The following INPP5D variants were observed in gnomAD, a reference collection of about 807,000 sequenced individuals.
INPP5D encodes phosphatidylinositol 3,4,5-trisphosphate 5-phosphatase 1.
INPP5D carries 33 observed loss-of-function variants against 122.9 expected under a neutral mutation model. The observed-to-expected ratio is 0.27, with a 90% confidence interval of 0.20 to 0.36. The LOEUF (loss-of-function observed/expected upper bound fraction) is 0.36. Ranked by LOEUF, INPP5D falls within the 10% of genes least tolerant of loss-of-function variation. The pLI, the probability that INPP5D is intolerant of heterozygous loss-of-function variation, is 1.00. For synonymous variants in INPP5D, 584 were observed against 576.2 expected, an observed-to-expected ratio of 1.01 and a Z score of -0.19; for missense variants, 1,053 against 1,412.7, an observed-to-expected ratio of 0.75 and a Z score of 4.08.
chr2:233,095,385 C>T (rs1012248801), intron 2 of INPP5D, among the ~76,000 whole-genome samples: 2 of 152,052 alleles, frequency 1.3e-5, no homozygotes, highest in South Asian at 2.1e-4. Flanking sequence ...TTTGGGAGAC[C>T]GAGGCGGGTG....
At chr2:233,125,480 C>A (rs1160093237) in intron 3 of INPP5D, among the ~76,000 whole-genome samples, 1 of 152,228 alleles carries the variant, frequency 6.6e-6, no homozygotes, top group East Asian at 1.9e-4. Context: ...AGGTCAGCAG[C>A]CCTGCAGGCC....
intron 22 of INPP5D, among the ~76,000 whole-genome samples, chr2:233,191,903 T>C (rs1035391727): frequency 6.6e-6 from 1 of 152,166 alleles, no homozygotes. Flanking sequence ...CCACGCATAG[T>C]CTCCCATTGT....
rs1694396405 is a variant in INPP5D, at chr2:233,168,074, A to G, written c.1556-1231A>G. 1.3e-5 allele frequency among the ~76,000 whole-genome samples: 2 copies of G among 151,904 alleles called. 1 individual carries two copies. The highest frequency in any genetic ancestry group is 4.2e-4 in the South Asian group (2 of 4,810). On this transcript the variant is annotated intron_variant, in intron 13 of 26. Transcript: ENST00000445964. ...GATGGGAGCCAAATAGATCATAAAT[A>G]AATAGATTTATGATCAAAATAGATT...
intron 1 of INPP5D, among the ~76,000 whole-genome samples, chr2:233,065,210 C>T (rs1691178310): frequency 6.6e-6 from 1 of 151,924 alleles, no homozygotes; most frequent in African/African-American, 2.4e-5. Context: ...AAAGTCCTTT[C>T]GGGTCCAGAG....
chr2:233,164,039 G>T lies in INPP5D; in HGVS notation c.1437+136G>T. The T allele has an allele frequency of 4.2e-6, 6 of 1,428,628 alleles. No individual in the cohort carries two copies. The allele number at this position is 1,428,628 out of a possible 1,614,324, so 88.5% of individuals were successfully genotyped here. A position where few individuals can be genotyped will look rare whatever the true frequency, so the allele number is the denominator to read the frequency against. On this transcript the variant is annotated intron_variant, in intron 12 of 26. Transcript: ENST00000445964. This position sits in a 1 kb window ranked among gnomAD's most constrained non-coding sequence, Gnocchi z 4.3. ...TGTCTGGAGGCCCCCACTGAGAGATGCGTCTGTATTCAGAAATAAATGGGA... is the reference window on the plus strand; with the variant it reads ...TGTCTGGAGGCCCCCACTGAGAGATTCGTCTGTATTCAGAAATAAATGGGA...
Position 233,182,513 on chromosome 2 carries a change from G to T in INPP5D, c.2161+14G>T. The T allele has an allele frequency of 6.2e-7, 1 of 1,611,742 alleles. No individual in the cohort carries two copies. Among genetic ancestry groups the T allele is most frequent in the South Asian group, 1.1e-5 (1 of 90,978 alleles). On this transcript the variant is annotated intron_variant, in intron 19 of 26. Transcript: ENST00000445964. ...TCTCCAAGAACGGTAAGCAAAGGAT[G>T]GTGTCTGTTTCTCTGTTTTCCTCAA...
At chr2:233,153,795 G>T (rs898963155) in intron 9 of INPP5D, among the ~76,000 whole-genome samples, 32 of 152,202 alleles carry the variant, frequency 2.1e-4, no homozygotes, top group African/African-American at 7.2e-4. Context: ...CCTGCTGCAG[G>T]CAGGAGAGCC....
chr2:233,083,124 A>G (rs978200906), intron 2 of INPP5D, among the ~76,000 whole-genome samples: 1 of 152,214 alleles, frequency 6.6e-6, no homozygotes, highest in African/African-American at 2.4e-5. Context: ...TTCAAGTCCA[A>G]TTTGGTCAGC....
chr2:233,089,007 G>A (rs556607859), intron 2 of INPP5D, among the ~76,000 whole-genome samples: 2 of 152,330 alleles, frequency 1.3e-5, no homozygotes, highest in African/African-American at 4.8e-5. Context: ...AACTGTAACA[G>A]CATTACAGCC....
chr2:233,119,831 A>G (rs576632721), intron 2 of INPP5D, among the ~76,000 whole-genome samples: 1 of 152,262 alleles, frequency 6.6e-6, no homozygotes, highest in East Asian at 1.9e-4. Flanking sequence ...CTGCTCCCTG[A>G]TGTCTGAATC....
intron 2 of INPP5D, among the ~76,000 whole-genome samples, chr2:233,102,769 G>A (rs1224823792): frequency 1.3e-5 from 2 of 150,680 alleles, no homozygotes; most frequent in African/African-American, 4.9e-5. Flanking sequence ...AGAATGGCAT[G>A]AACCCGGGAA....
intron 18 of INPP5D, among the ~76,000 whole-genome samples, chr2:233,181,089 T>C (rs1694772121): frequency 6.6e-6 from 1 of 152,216 alleles, no homozygotes; most frequent in Admixed American, 6.5e-5. Context: ...TGACTCCATC[T>C]ATTCCTTCTC....
rs1695542289 is a variant in INPP5D, at chr2:233,207,419, GT to G, written c.*713del. ...GAGCAGGGATCTACCTGGCTTCTCAGTTCTTTGGTTGGAAGGAGCAGGAAAT... is the reference window on the plus strand; with the variant it reads ...GAGCAGGGATCTACCTGGCTTCTCAGTCTTTGGTTGGAAGGAGCAGGAAAT... On this transcript the variant is annotated 3_prime_UTR_variant, in exon 27 of 27. Coordinates refer to ENST00000445964, the MANE Select transcript of INPP5D (RefSeq NM_001017915.3). This position sits in a 1 kb window ranked among gnomAD's most constrained non-coding sequence, Gnocchi z 4.6. 6.6e-6 allele frequency: 1 copy of G among 152,588 alleles called. No individual in the cohort carries two copies. The highest frequency in any genetic ancestry group is 6.5e-5 in the Admixed American group (1 of 15,284). 9.5% of individuals were successfully genotyped at this position (152,588 alleles called of 1,614,324 possible). A position where few individuals can be genotyped will look rare whatever the true frequency, so the allele number is the denominator to read the frequency against.
chr2:233,080,511 G>C (rs1691653406), intron 2 of INPP5D, among the ~76,000 whole-genome samples: 1 of 151,952 alleles, frequency 6.6e-6, no homozygotes, highest in Admixed American at 6.6e-5. Context: ...TAGAGTAAGA[G>C]GCACAGCAGT....
At chr2:233,095,513 CT>C (rs1300186368) in intron 2 of INPP5D, among the ~76,000 whole-genome samples, 1 of 151,212 alleles carries the variant, frequency 6.6e-6, no homozygotes, top group African/African-American at 2.4e-5. Context: ...ATCCCAGCTA[CT>C]TGGGAGGCTG....
intron 2 of INPP5D, among the ~76,000 whole-genome samples, chr2:233,103,254 C>G (rs1240786806): frequency 1.3e-5 from 2 of 152,154 alleles, no homozygotes; most frequent in Non-Finnish European, 2.9e-5. Flanking sequence ...GAATGACAAC[C>G]CATATAGGTG....
intron 6 of INPP5D, among the ~76,000 whole-genome samples, chr2:233,141,926 T>C (rs1438274217): frequency 3.3e-5 from 5 of 152,232 alleles, no homozygotes; most frequent in African/African-American, 1.2e-4. Context: ...TGTGCAACTT[T>C]CAAAATTCAG....
chr2:233,198,083 T>C lies in INPP5D; in HGVS notation c.2694-12T>C. 6.4e-7 allele frequency: 1 copy of C among 1,563,196 alleles called. No homozygotes were observed. The highest frequency in any genetic ancestry group is 8.7e-7 in the Non-Finnish European group (1 of 1,153,232). The stretch of plus-strand genomic sequence containing the variant: ...GGGACCCCTGAGATGTGACTCCATG[T>C]CCTCCCTGCAGGGCCCCTCCGTGCA... On this transcript the variant is annotated splice_polypyrimidine_tract_variant and intron_variant, in intron 24 of 26. Coordinates refer to ENST00000445964, the MANE Select transcript of INPP5D (RefSeq NM_001017915.3).
intron 2 of INPP5D, among the ~76,000 whole-genome samples, chr2:233,107,720 G>A (rs962387120): frequency 6.6e-6 from 1 of 152,116 alleles, no homozygotes; most frequent in Non-Finnish European, 1.5e-5. Context: ...CTGGGGGAGG[G>A]GTTACAACCT....
Sources: gnomAD v4.1 joint callset for allele counts (sites outside exome capture counted in the v4.1 genomes callset) on GRCh38, gnomAD v4.1.1 for gene constraint, Gnocchi (gnomAD v3.1) non-coding constraint, MANE v1.5 for transcripts, NCBI Gene and HGNC (gene_info 2026-07-23, HGNC 2026-07-21) for gene names.